Variants in ZNF804A observed in about 807,000 individuals in gnomAD.
The protein encoded by ZNF804A is zinc finger protein 804A.
In ZNF804A, 2 loss-of-function variants were observed where a neutral mutation model predicts 16.5. The ratio of observed to expected loss-of-function variants is 0.12; its 90% confidence interval spans 0.05 to 0.38. The LOEUF (loss-of-function observed/expected upper bound fraction) is 0.38, where lower values mean the gene tolerates loss of function less well. Among genes scored for constraint, ZNF804A ranks in the 10% least tolerant of loss-of-function variants. ZNF804A has a pLI of 0.99. For synonymous variants in ZNF804A, 534 were observed against 489.6 expected (o/e 1.09, Z -1.20); for missense variants, 1,473 against 1,390.7 (o/e 1.06, Z -0.94).
intron 1 of ZNF804A, among the ~76,000 whole-genome samples, chr2:184,783,153 T>TG (rs1694398690): frequency 2.8e-5 from 4 of 144,112 alleles, no homozygotes; most frequent in Non-Finnish European, 6.1e-5. Flanking sequence ...TTTTTTTTTT[T>TG]TTTTTTTTTT....
chr2:184,768,555 T>C (rs1005456899), intron 1 of ZNF804A, among the ~76,000 whole-genome samples: 2 of 152,056 alleles, frequency 1.3e-5, no homozygotes, highest in Non-Finnish European at 2.9e-5. Context: ...ACTGGGTGAA[T>C]CTCCTTAATT....
At chr2:184,626,569 A>G (rs1691504427) in intron 1 of ZNF804A, among the ~76,000 whole-genome samples, 1 of 152,188 alleles carries the variant, frequency 6.6e-6, no homozygotes, top group Non-Finnish European at 1.5e-5. Context: ...CTCAGTGCTC[A>G]ACAAGTAAAT....
chr2:184,640,787 G>A (rs1488726037), intron 1 of ZNF804A, among the ~76,000 whole-genome samples: 8 of 152,046 alleles, frequency 5.3e-5, no homozygotes, highest in African/African-American at 1.4e-4. Context: ...TTATGATAAT[G>A]GCTTTAAGCA....
intron 1 of ZNF804A, among the ~76,000 whole-genome samples, chr2:184,715,223 A>G (rs1290841582): frequency 6.6e-6 from 1 of 152,174 alleles, no homozygotes; most frequent in African/African-American, 2.4e-5. Context: ...GACAAGACCT[A>G]TTATTGGGTA....
At chr2:184,701,505 T>C (rs1270659977) in intron 1 of ZNF804A, among the ~76,000 whole-genome samples, 4 of 151,936 alleles carry the variant, frequency 2.6e-5, no homozygotes, top group African/African-American at 9.7e-5. Flanking sequence ...CAAATTAATA[T>C]CTAGTTTGAT....
At chr2:184,732,508 G>A (rs937497593) in intron 1 of ZNF804A, among the ~76,000 whole-genome samples, 2 of 151,888 alleles carry the variant, frequency 1.3e-5, no homozygotes, top group African/African-American at 4.8e-5. Flanking sequence ...TACTGTGTTG[G>A]CTATTCTGTG....
rs145934706 is a variant in ZNF804A, at chr2:184,936,346, A to G, written c.950A>G (p.Gln317Arg). Residue 317 changes from glutamine (Q) to arginine (R), a missense_variant, in exon 4 of 4, where the codon CAG becomes CGG. Coordinates refer to ENST00000302277, the MANE Select transcript of ZNF804A (RefSeq NM_194250.2). The stretch of plus-strand genomic sequence containing the variant: ...CCTTCATTTTGCAAGTTTCAACTTC[A>G]GTTATCTTCTGATGCAGATAATTGT... Reference protein sequence around the residue: ...LLPSFCKFQLQLSSDADNCQN... With the variant: ...LLPSFCKFQLRLSSDADNCQN... 4.8e-4 allele frequency: 776 copies of G among 1,613,948 alleles called. 5 individuals carry two copies. The African/African-American group carries it at 9.3e-3, about 19-fold the overall frequency.
chr2:184,738,273 C>T (rs1423117136), intron 1 of ZNF804A, among the ~76,000 whole-genome samples: 1 of 151,742 alleles, frequency 6.6e-6, no homozygotes, highest in Non-Finnish European at 1.5e-5. Context: ...GATGGATGAG[C>T]ACTGCTAAAA....
chr2:184,700,500 C>T (rs1388721675), intron 1 of ZNF804A, among the ~76,000 whole-genome samples: 5 of 151,892 alleles, frequency 3.3e-5, no homozygotes, highest in Admixed American at 6.6e-5. Context: ...GAAATGATTG[C>T]GAGTAGAATA....
At position 184,620,371 on chromosome 2, in the gene ZNF804A, G is replaced by A. The variant is rs139201748; in HGVS notation, c.111+21301G>A. Reference sequence around the variant, plus strand: ...TCTGCAAATCAGTTCATAAAAGGAAGAATTGTCTAAGCAATACTTTTCACC... The same window carrying A: ...TCTGCAAATCAGTTCATAAAAGGAAAAATTGTCTAAGCAATACTTTTCACC... On this transcript the variant is annotated intron_variant, in intron 1 of 3. Coordinates refer to ENST00000302277, the MANE Select transcript of ZNF804A (RefSeq NM_194250.2). Among the ~76,000 whole-genome samples the A allele has an allele frequency of 5.2e-3, 794 of 151,828 alleles. 22 individuals are homozygous for A. The highest frequency in any genetic ancestry group is 0.047 in the Admixed American group (719 of 15,222).
intron 1 of ZNF804A, among the ~76,000 whole-genome samples, chr2:184,796,592 T>C (rs1340754455): frequency 6.6e-6 from 1 of 151,936 alleles, no homozygotes; most frequent in African/African-American, 2.4e-5. Context: ...ATTTATCTTT[T>C]GTATCTTTTT....
At chr2:184,708,142 T>G (rs1030735866) in intron 1 of ZNF804A, among the ~76,000 whole-genome samples, 4 of 152,138 alleles carry the variant, frequency 2.6e-5, no homozygotes, top group African/African-American at 9.7e-5. Context: ...TTTAAAATGC[T>G]TGTTGATTTG....
chr2:184,686,687 A>G (rs1204533947), intron 1 of ZNF804A, among the ~76,000 whole-genome samples: 2 of 152,244 alleles, frequency 1.3e-5, no homozygotes, highest in South Asian at 2.1e-4. Context: ...TCTTTTTCCC[A>G]TCAGCCCTGA....
At chr2:184,859,337 T>G (rs576261440) in intron 1 of ZNF804A, among the ~76,000 whole-genome samples, 1 of 152,086 alleles carries the variant, frequency 6.6e-6, no homozygotes, top group Non-Finnish European at 1.5e-5. Flanking sequence ...TAAATATTCT[T>G]TTTTGAGTTC....
chr2:184,936,285 A>G lies in ZNF804A; in HGVS notation c.889A>G (p.Lys297Glu). Reference sequence around the variant, plus strand: ...AGAAACTGTTCAAACTCAAGAGATAAAAGAAGTCTCTAGTGAAAAAGATGC... The same window carrying G: ...AGAAACTGTTCAAACTCAAGAGATAGAAGAAGTCTCTAGTGAAAAAGATGC... ...DKETVQTQEI[K>E]EVSSEKDALL... is the part of the protein sequence containing the mutation. Residue 297 changes from lysine (K) to glutamate (E), a missense_variant, in exon 4 of 4, where the codon AAA becomes GAA. Transcript: ENST00000302277. 2 of 1,613,932 alleles carry G rather than the reference A, an allele frequency of 1.2e-6. No homozygotes were observed. The highest frequency in any genetic ancestry group is 1.3e-5 in the African/African-American group (1 of 75,038).
intron 2 of ZNF804A, among the ~76,000 whole-genome samples, chr2:184,914,358 T>C (rs1685413857): frequency 6.6e-6 from 1 of 152,158 alleles, no homozygotes; most frequent in Non-Finnish European, 1.5e-5. Context: ...CAAGAACTAA[T>C]ACATGTTGTA....
chr2:184,846,002 A>G (rs1350371055), intron 1 of ZNF804A, among the ~76,000 whole-genome samples: 1 of 152,136 alleles, frequency 6.6e-6, no homozygotes, highest in East Asian at 1.9e-4. Flanking sequence ...ATTTTACCCC[A>G]TGATCTCTGT....
At chr2:184,925,156 G>T (rs1214227420) in intron 2 of ZNF804A, among the ~76,000 whole-genome samples, 2 of 151,942 alleles carry the variant, frequency 1.3e-5, no homozygotes, top group Non-Finnish European at 2.9e-5. Context: ...AGCTGTTATT[G>T]TACTGAGGTG....
intron 1 of ZNF804A, among the ~76,000 whole-genome samples, chr2:184,692,162 T>A (rs1390176058): frequency 6.6e-6 from 1 of 152,192 alleles, no homozygotes; most frequent in African/African-American, 2.4e-5. Flanking sequence ...TTAACTAGTG[T>A]GTGTGAGTAT....
Sources: gnomAD v4.1 joint callset for allele counts (sites outside exome capture counted in the v4.1 genomes callset) on GRCh38, gnomAD v4.1.1 for gene constraint, MANE v1.5 for transcripts, NCBI Gene and HGNC (gene_info 2026-07-23, HGNC 2026-07-21) for gene names.